Variants in ARHGEF11 observed in about 807,000 individuals in gnomAD.
ARHGEF11 encodes the protein Rho guanine exchange factor (GEF) 11.
In ARHGEF11, 55 loss-of-function variants were observed where a neutral mutation model predicts 193.7. The observed-to-expected ratio is 0.28, with a 90% CI of 0.23 to 0.36. ARHGEF11 has a LOEUF of 0.36. Among genes scored for constraint, ARHGEF11 ranks in the 10% least tolerant of loss-of-function variants. The pLI, the probability that ARHGEF11 is intolerant of heterozygous loss-of-function variation, is 1.00. For synonymous variants in ARHGEF11, 693 were observed against 768.0 expected, an observed-to-expected ratio of 0.90 and a Z score of 1.62; for missense variants, 1,723 against 2,005.6, an observed-to-expected ratio of 0.86 and a Z score of 2.69.
intron 1 of ARHGEF11, among the ~76,000 whole-genome samples, chr1:157,021,237 C>T (rs1261561668): frequency 1.3e-5 from 2 of 152,176 alleles, no homozygotes; most frequent in East Asian, 3.8e-4. Flanking sequence ...TCCTTAGATG[C>T]TTTCAGGTGG....
chr1:156,948,014 T>A lies in ARHGEF11; in HGVS notation c.2154-58A>T. 1 of 1,587,502 alleles carries A rather than the reference T, an allele frequency of 6.3e-7. No homozygotes were observed. The highest frequency in any genetic ancestry group is 1.7e-5 in the Admixed American group (1 of 58,064). ...GGAGGAAGAACTCACACAGAGGGTTTGGCCCTCCCTCTCCTGCCCGACCTG... is the reference window on the plus strand; with the variant it reads ...GGAGGAAGAACTCACACAGAGGGTTAGGCCCTCCCTCTCCTGCCCGACCTG... On this transcript the variant is annotated intron_variant, in intron 24 of 40. Coordinates refer to ENST00000368194, the MANE Select transcript of ARHGEF11 (RefSeq NM_198236.3). This position sits in a 1 kb window ranked among gnomAD's most constrained non-coding sequence, Gnocchi z 4.2.
intron 1 of ARHGEF11, among the ~76,000 whole-genome samples, chr1:156,996,930 T>C (rs896567123): frequency 4.8e-5 from 7 of 147,310 alleles, no homozygotes; most frequent in Non-Finnish European, 1.0e-4. Flanking sequence ...GGTATGATAA[T>C]AGTTCACTGA....
intron 30 of ARHGEF11, among the ~76,000 whole-genome samples, 196 bp from the exon 31 acceptor site, chr1:156,944,629 G>A (rs866035641): frequency 6.6e-6 from 1 of 152,280 alleles, no homozygotes; most frequent in South Asian, 2.1e-4. Flanking sequence ...TGGCAGCAGG[G>A]GGATATACCA....
chr1:156,967,925 C>G, intron 11 of ARHGEF11, 62 bp downstream of exon 11: 2 of 1,610,512 alleles, frequency 1.2e-6, no homozygotes, highest in South Asian at 2.2e-5. Flanking sequence ...CTGGTAACAC[C>G]CATGCCTCCA....
intron 1 of ARHGEF11, among the ~76,000 whole-genome samples, chr1:157,028,842 G>A (rs1229558577): frequency 6.6e-6 from 1 of 152,020 alleles, no homozygotes; most frequent in African/African-American, 2.4e-5. Flanking sequence ...CACAATCCTA[G>A]CTATAATCAA....
intron 20 of ARHGEF11, 140 bp from the exon 21 acceptor site, chr1:156,955,061 C>T (rs912329843): frequency 1.8e-5 from 13 of 717,022 alleles, no homozygotes; most frequent in South Asian, 7.3e-5. Flanking sequence ...AATCTCTTTC[C>T]GTTTCCTGCA....
intron 1 of ARHGEF11, among the ~76,000 whole-genome samples, chr1:157,024,911 C>T (rs1364041492): frequency 6.6e-6 from 1 of 152,194 alleles, no homozygotes; most frequent in Non-Finnish European, 1.5e-5. Flanking sequence ...ATTCACAATA[C>T]CAGGGAAAAC....
rs114892491 is a variant in ARHGEF11, at chr1:156,952,097, C to T, written c.1799-398G>A. Among the ~76,000 whole-genome samples, 1,421 of 152,162 alleles carry T rather than the reference C, an allele frequency of 9.3e-3. 7 individuals carry two copies. Among genetic ancestry groups the T allele is most frequent in the Non-Finnish European group, 0.014 (977 of 67,990 alleles). ...ATCTACATGTAATTTGGCCATGTTG[C>T]CAAAATATATCAGACATTTCTCAAA... On this transcript the variant is annotated intron_variant, in intron 21 of 40. Transcript: ENST00000368194.
Position 157,044,376 on chromosome 1 carries a change from T to C in ARHGEF11, c.-46A>G. ...GTTCCAGAATCCTGTAGCTTTGGTGTCTTGATCAGGATTGAATCGCTTGCA... is the reference window on the plus strand; with the variant it reads ...GTTCCAGAATCCTGTAGCTTTGGTGCCTTGATCAGGATTGAATCGCTTGCA... On this transcript the variant is annotated 5_prime_UTR_variant, in exon 1 of 41. Transcript: ENST00000368194. The C allele has an allele frequency of 6.2e-7, 1 of 1,604,814 alleles. No individual in the cohort carries two copies.
chr1:156,965,449 C>A (rs1338894486), intron 11 of ARHGEF11, among the ~76,000 whole-genome samples: 1 of 152,142 alleles, frequency 6.6e-6, no homozygotes, highest in Non-Finnish European at 1.5e-5. Context: ...TTGAACATTC[C>A]CTTAGACCAC....
upstream of ARHGEF11, among the ~76,000 whole-genome samples, chr1:157,045,936 T>A (rs1270636042): frequency 2.0e-5 from 3 of 149,404 alleles, no homozygotes; most frequent in Admixed American, 6.6e-5. Flanking sequence ...CGCCGGCCTT[T>A]CCCCTCACGC....
At chr1:157,032,817 C>T (rs542625863) in intron 1 of ARHGEF11, among the ~76,000 whole-genome samples, 83 of 152,290 alleles carry the variant, frequency 5.5e-4, no homozygotes, top group African/African-American at 1.9e-3. Context: ...ATTTCTCTGT[C>T]CTTTTCGTCC....
At position 156,986,162 on chromosome 1, in the gene ARHGEF11, A is replaced by G. The variant is rs1379440972; in HGVS notation, c.44T>C (p.Leu15Pro). ...LPQSIDRLSS[L>P]SSLGDSAPER... The stretch of plus-strand genomic sequence containing the variant: ...TGGTGCAGAATCTCCCAGAGAAGAC[A>G]GGCTACTTAACCTGGAGAAGGAGTA... Residue 15 changes from leucine to proline, a missense_variant, in exon 2 of 41, where the codon CTG (leucine) becomes CCG (proline). Physicochemically the swap from Leu to Pro is moderately conservative, Grantham distance 98. Around this residue, in one of 5 missense-constraint regions of ARHGEF11, gnomAD observed 646 missense variants for 710.7 expected, o/e 0.91. Transcript: ENST00000368194. The G allele has an allele frequency of 6.2e-7, 1 of 1,613,682 alleles. No individual in the cohort carries two copies. Among genetic ancestry groups the G allele is most frequent in the Non-Finnish European group, 8.5e-7 (1 of 1,179,784 alleles).
intron 22 of ARHGEF11, 125 bp downstream of exon 22, chr1:156,951,448 G>T (rs2101995504): frequency 1.5e-6 from 2 of 1,335,738 alleles, no homozygotes; most frequent in East Asian, 2.4e-5. Flanking sequence ...TGGGGAGGAA[G>T]TTCTGTAAAG....
intron 1 of ARHGEF11, among the ~76,000 whole-genome samples, chr1:157,013,299 A>ACACACACACACACACACACACAC (rs534893600): frequency 1.3e-5 from 2 of 148,622 alleles, no homozygotes; most frequent in African/African-American, 2.5e-5. Context: ...ACACACACAC[A>ACACACACACACACACACACACAC]CCAAGAACCT....
chr1:156,958,590 C>T, intron 17 of ARHGEF11, 152 bp downstream of exon 17: 1 of 1,101,994 alleles, frequency 9.1e-7, no homozygotes, highest in Non-Finnish European at 1.3e-6. Flanking sequence ...TCAGCCTGAC[C>T]AATGCAGCAG....
At chr1:157,034,345 G>GA (rs1571597197) in intron 1 of ARHGEF11, among the ~76,000 whole-genome samples, 1 of 152,196 alleles carries the variant, frequency 6.6e-6, no homozygotes, top group African/African-American at 2.4e-5. Flanking sequence ...CAATGGCAGG[G>GA]TAGGCCTTGT....
chr1:157,005,004 A>T (rs1176026443), intron 1 of ARHGEF11, among the ~76,000 whole-genome samples: 1 of 152,092 alleles, frequency 6.6e-6, no homozygotes, highest in Non-Finnish European at 1.5e-5. Flanking sequence ...CAGAAAATCT[A>T]CCCCTCTCAC....
chr1:156,959,932 T>TC (rs372767382), intron 15 of ARHGEF11, among the ~76,000 whole-genome samples: 3 of 71,128 alleles, frequency 4.2e-5, no homozygotes, highest in African/African-American at 1.6e-4. Flanking sequence ...TAACCCCCCC[T>TC]CCCCCCCCCC....
Sources: allele counts gnomAD v4.1 joint callset (sites outside exome capture counted in the v4.1 genomes callset), GRCh38; gene constraint gnomAD v4.1.1; regional missense constraint gnomAD v4.1.1; non-coding constraint Gnocchi (gnomAD v3.1); transcripts MANE v1.5; gene names NCBI Gene and HGNC (gene_info 2026-07-23, HGNC 2026-07-21).